Variants in STIM2 observed in about 807,000 individuals in gnomAD.
STIM2 encodes the protein stromal interaction molecule 2.
A neutral mutation model predicts 85.8 loss-of-function variants in STIM2; 31 were observed. The observed-to-expected ratio is 0.36, with a 90% CI of 0.27 to 0.49. The LOEUF (loss-of-function observed/expected upper bound fraction) is 0.49. Among genes scored for constraint, STIM2 ranks in the 20% least tolerant of loss-of-function variants. STIM2 has a pLI of 0.98. For missense variants in STIM2, 841 were observed against 927.6 expected (o/e 0.91, Z 1.21); for synonymous variants, 356 against 331.1 (o/e 1.08, Z -0.82).
chr4:26,934,969 G>GA (rs988007301), intron 2 of STIM2, among the ~76,000 whole-genome samples: 28 of 150,754 alleles, frequency 1.9e-4, no homozygotes, highest in Admixed American at 1.2e-3. Flanking sequence ...CTAGTTTAGG[G>GA]AAAAAAAGCA....
intron 1 of STIM2, among the ~76,000 whole-genome samples, chr4:26,917,404 G>C (rs1324196909): frequency 6.6e-6 from 1 of 152,106 alleles, no homozygotes; most frequent in Non-Finnish European, 1.5e-5. Flanking sequence ...ACATTTGGTA[G>C]GTGCTCATTA....
chr4:26,993,925 T>C (rs183881686), intron 3 of STIM2, among the ~76,000 whole-genome samples: 101 of 152,282 alleles, frequency 6.6e-4, no homozygotes, highest in African/African-American at 2.4e-3. Context: ...AAAATAAAGA[T>C]AATTATGTTA....
At chr4:26,932,918 C>T (rs948129405) in intron 2 of STIM2, among the ~76,000 whole-genome samples, 3 of 152,088 alleles carry the variant, frequency 2.0e-5, no homozygotes, top group Admixed American at 6.5e-5. Flanking sequence ...AAACACATAA[C>T]GACTTGTCCT....
At chr4:27,016,914 G>GT (rs1335028143) in intron 10 of STIM2, among the ~76,000 whole-genome samples, 1 of 152,224 alleles carries the variant, frequency 6.6e-6, no homozygotes, top group Non-Finnish European at 1.5e-5. Context: ...ATAAAAGGTT[G>GT]TAGAAGTAAG....
In STIM2 at chr4:26,887,183, CTTTTTTTTTTTT is replaced by C. The variant is rs34736602; in HGVS notation, c.151+25827_151+25838del. Among the ~76,000 whole-genome samples the C allele has an allele frequency of 8.5e-5, 6 of 70,952 alleles. No individual in the cohort carries two copies. The South Asian group carries it at 2.4e-3, about 29-fold the overall frequency. The allele number at this position is 70,952 out of a possible 152,430, so 46.5% of individuals were successfully genotyped here. A position where few individuals can be genotyped will look rare whatever the true frequency, so the allele number is the denominator to read the frequency against. On this transcript the variant is annotated intron_variant, in intron 1 of 11. Transcript: ENST00000467087. ...ATAAGCACCAAACCAAATAATTAAA[CTTTTTTTTTTTT>C]TTTTTTTTTTTTGCCTCTTGCCTTG...
chr4:26,962,646 G>T (rs1358565429), intron 3 of STIM2, among the ~76,000 whole-genome samples: 1 of 151,474 alleles, frequency 6.6e-6, no homozygotes, highest in Non-Finnish European at 1.5e-5. Flanking sequence ...TGGTCAAGTT[G>T]CACATGGCAG....
intron 10 of STIM2, among the ~76,000 whole-genome samples, chr4:27,016,414 G>C (rs1297190623): frequency 6.6e-6 from 1 of 152,172 alleles, no homozygotes; most frequent in Non-Finnish European, 1.5e-5. Context: ...TGTGTGAGTG[G>C]TAAAGTGCCC....
intron 1 of STIM2, among the ~76,000 whole-genome samples, chr4:26,872,272 G>GTA (rs1247447925): frequency 2.0e-5 from 3 of 152,120 alleles, no homozygotes; most frequent in Non-Finnish European, 4.4e-5. Context: ...ATGAAGCTAA[G>GTA]TATAGACAGT....
At position 27,008,782 on chromosome 4, in the gene STIM2, G is replaced by C; in HGVS notation, c.1269G>C (p.Leu423Phe). 6.2e-7 allele frequency: 1 copy of C among 1,614,040 alleles called. No individual in the cohort carries two copies. Among genetic ancestry groups the C allele is most frequent in the Non-Finnish European group, 8.5e-7 (1 of 1,179,992 alleles). ...TTTCCAGGAAAGCTCTCTCTGAGTT[G>C]ACAACTTGTTTACGAGAACGACTTT... The change falls in exon 10 of 12, where the codon TTG (leucine) becomes TTC (phenylalanine). Residue 423 changes from leucine (L) to phenylalanine (F), a missense_variant. By Grantham distance (22) the Leu-to-Phe change is conservative. Transcript: ENST00000467087.
intron 3 of STIM2, among the ~76,000 whole-genome samples, chr4:26,985,139 C>T (rs1350947057): frequency 6.6e-6 from 1 of 152,184 alleles, no homozygotes; most frequent in Non-Finnish European, 1.5e-5. Context: ...TGCTGAGCAG[C>T]TGAGCATCTA....
chr4:26,934,968 G>A (rs891248189), intron 2 of STIM2, among the ~76,000 whole-genome samples: 17 of 151,438 alleles, frequency 1.1e-4, no homozygotes, highest in African/African-American at 4.1e-4. Flanking sequence ...ACTAGTTTAG[G>A]GAAAAAAAGC....
chr4:26,937,566 GTAACAT>G (rs530921674), intron 2 of STIM2, among the ~76,000 whole-genome samples: 94 of 152,244 alleles, frequency 6.2e-4, no homozygotes, highest in South Asian at 4.6e-3. Context: ...TGCCTTTACT[GTAACAT>G]TAACATTATT....
chr4:26,989,716 C>G (rs1321584134), intron 3 of STIM2, among the ~76,000 whole-genome samples: 1 of 152,088 alleles, frequency 6.6e-6, no homozygotes, highest in Non-Finnish European at 1.5e-5. Flanking sequence ...TTAGAAAAAC[C>G]TAGACTTCAC....
intron 3 of STIM2, among the ~76,000 whole-genome samples, chr4:26,969,668 G>T (rs888286031): frequency 1.3e-5 from 2 of 152,128 alleles, no homozygotes; most frequent in African/African-American, 4.8e-5. Context: ...ATCTGTTGAT[G>T]ACCTTAGACT....
At position 27,024,637 on chromosome 4, in the gene STIM2, A is replaced by G. The variant is rs964924195; in HGVS notation, c.*1641A>G. 10 of 152,210 alleles carry G rather than the reference A, an allele frequency of 6.6e-5. No homozygotes were observed. Among genetic ancestry groups the G allele is most frequent in the African/African-American group, 2.2e-4 (9 of 41,458 alleles). The allele number at this position is 152,210 out of a possible 1,614,324, so 9.4% of individuals were successfully genotyped here. A position where few individuals can be genotyped will look rare whatever the true frequency, so the allele number is the denominator to read the frequency against. On this transcript the variant is annotated 3_prime_UTR_variant, in exon 12 of 12. Transcript: ENST00000467087. ...TATTTATATTGGCTGATATTTATAT[A>G]CTTAATAGATTGAGTTCTGTAAGGG...
At chr4:27,021,479 G>A (rs1485619957) in intron 11 of STIM2, 5 of 456,612 alleles carry the variant, frequency 1.1e-5, no homozygotes, top group Non-Finnish European at 1.8e-5. Flanking sequence ...GGGTCTCGAG[G>A]TTGGCATGTT....
intron 3 of STIM2, among the ~76,000 whole-genome samples, chr4:26,966,775 A>G (rs1726741688): frequency 6.6e-6 from 1 of 152,142 alleles, no homozygotes; most frequent in Non-Finnish European, 1.5e-5. Context: ...AATAGAATAA[A>G]TCACTTAGCA....
chr4:26,966,279 A>C (rs897391516), intron 3 of STIM2, among the ~76,000 whole-genome samples: 3 of 152,054 alleles, frequency 2.0e-5, no homozygotes, highest in Non-Finnish European at 2.9e-5. Flanking sequence ...TGTGTGTTAC[A>C]TTTTCCTTTA....
At chr4:27,021,494 G>A (rs907637213) in intron 11 of STIM2, 1 of 456,712 alleles carries the variant, frequency 2.2e-6, no homozygotes, top group Non-Finnish European at 4.4e-6. Context: ...CATGTTACAG[G>A]AACACAAGGG....
Sources: gnomAD v4.1 joint callset for allele counts (sites outside exome capture counted in the v4.1 genomes callset) on GRCh38, gnomAD v4.1.1 for gene constraint, MANE v1.5 for transcripts, NCBI Gene and HGNC (gene_info 2026-07-23, HGNC 2026-07-21) for gene names.